Variants in PTCH1 observed in about 807,000 individuals in gnomAD.
PTCH1 encodes the protein patched 1, also known as protein patched homolog 1.
Under a neutral mutation model 144.6 loss-of-function variants are expected in PTCH1, and 14 were observed. The observed-to-expected ratio is 0.10, with a 90% CI of 0.06 to 0.15. The LOEUF is 0.15. PTCH1 is among the 10% of genes least tolerant of loss of function. The pLI, the probability that PTCH1 is intolerant of heterozygous loss-of-function variation, is 1.00. For synonymous variants in PTCH1, 833 were observed against 793.6 expected (o/e 1.05, Z -0.83); for missense variants, 1,623 against 1,948.3 (o/e 0.83, Z 3.14).
At chr9:95,507,922 A>G (rs897621897) in intron 1 of PTCH1, 34 of 1,338,422 alleles carry the variant, frequency 2.5e-5, no homozygotes, top group South Asian at 7.3e-5. Flanking sequence ...ACACACACGC[A>G]CACACACACA....
At chr9:95,470,059 G>A in intron 12 of PTCH1, 128 bp from the exon 13 acceptor site, 1 of 761,128 alleles carries the variant, frequency 1.3e-6, no homozygotes, top group Admixed American at 2.0e-5. Flanking sequence ...TTGAAACCGT[G>A]ACAGATGTTA....
At chr9:95,516,103 A>T (rs1450874052) in intron 1 of PTCH1, among the ~76,000 whole-genome samples, 2 of 150,862 alleles carry the variant, frequency 1.3e-5, no homozygotes, top group Non-Finnish European at 3.0e-5. Flanking sequence ...CAAGGTGGCG[A>T]CCCTTTCAGG....
At chr9:95,489,892 C>T (rs1175484413) in intron 2 of PTCH1, among the ~76,000 whole-genome samples, 1 of 151,476 alleles carries the variant, frequency 6.6e-6, no homozygotes, top group Admixed American at 6.6e-5. Context: ...GCTCTGCCTC[C>T]AGGGTTCACG....
At chr9:95,506,699 TGGGGGCGC>T in intron 1 of PTCH1, 100 bp from the exon 2 acceptor site, 1 of 1,045,762 alleles carries the variant, frequency 9.6e-7, no homozygotes, top group Non-Finnish European at 1.2e-6. Flanking sequence ...CCAACAGCCG[TGGGGGCGC>T]GGGTGGCCGC....
chr9:95,486,288 G>A (rs1185347537), intron 2 of PTCH1, among the ~76,000 whole-genome samples: 3 of 152,220 alleles, frequency 2.0e-5, no homozygotes, highest in Admixed American at 2.0e-4. Flanking sequence ...CTTCTCCTAA[G>A]TAAACTGGCA....
At chr9:95,470,527 T>C (rs964581756) in intron 12 of PTCH1, among the ~76,000 whole-genome samples, 6 of 152,182 alleles carry the variant, frequency 3.9e-5, no homozygotes, top group Admixed American at 2.0e-4. Context: ...TGTGTGATTA[T>C]AGTACGCAGA....
chr9:95,479,230 C>T (rs1333848066), intron 7 of PTCH1, 83 bp from the exon 8 acceptor site: 1 of 1,550,000 alleles, frequency 6.5e-7, no homozygotes, highest in Non-Finnish European at 8.9e-7. Context: ...GCCAGCTCCC[C>T]CAACTCACTG....
chr9:95,459,338 G>A (rs1303287262), intron 17 of PTCH1, among the ~76,000 whole-genome samples: 1 of 152,208 alleles, frequency 6.6e-6, no homozygotes, highest in East Asian at 1.9e-4. Flanking sequence ...CAGCTGGCAC[G>A]TGAGAGCAAC....
Position 95,508,694 on chromosome 9 carries a change from C to T in PTCH1, c.-333G>A. 2.0e-6 allele frequency: 2 copies of T among 987,226 alleles called. No homozygotes were observed. Among genetic ancestry groups the T allele is most frequent in the South Asian group, 9.4e-5 (2 of 21,300 alleles). The allele number at this position is 987,226 out of a possible 1,614,324, so 61.2% of individuals were successfully genotyped here. A position where few individuals can be genotyped will look rare whatever the true frequency, so the allele number is the denominator to read the frequency against. ...AGCGAGAGCCGGCGCGCCGAGCGAG[C>T]CTGTCCTTCGGGCGCTTCCGCGGCA... On this transcript the variant is annotated 5_prime_UTR_variant, in exon 1 of 24. Transcript: ENST00000331920.
intron 1 of PTCH1, chr9:95,507,437 A>G: frequency 1.3e-5 from 13 of 985,344 alleles, no homozygotes; most frequent in Non-Finnish European, 1.6e-5. Context: ...CACACATTTC[A>G]GCGAGCCTCG....
intron 2 of PTCH1, among the ~76,000 whole-genome samples, chr9:95,490,976 T>G (rs1231908784): frequency 1.3e-5 from 2 of 152,248 alleles, no homozygotes; most frequent in East Asian, 3.9e-4. Context: ...AAACATCACA[T>G]GTACACCACA....
rs2118039634 is a variant in PTCH1, at chr9:95,468,923, G to A, written c.2078C>T (p.Thr693Ile). 2 of 1,614,158 alleles carry A rather than the reference G, an allele frequency of 1.2e-6. No individual in the cohort carries two copies. Among genetic ancestry groups the A allele is most frequent in the Non-Finnish European group, 1.7e-6 (2 of 1,180,036 alleles). ...GCTCTGGCAGCTGAGGGTGTCCTGTGTCACGGTGACGGGCTGCACAGAGAT... is the reference window on the plus strand; with the variant it reads ...GCTCTGGCAGCTGAGGGTGTCCTGTATCACGGTGACGGGCTGCACAGAGAT... ...SEISVQPVTV[T>I]QDTLSCQSPE... The change falls in exon 14 of 24, where the codon ACA (threonine) becomes ATA (isoleucine). Residue 693 changes from threonine to isoleucine, a missense_variant. Thr to Ile is a moderately conservative substitution (Grantham distance 89, BLOSUM62 -1). Around this residue, in one of 7 missense-constraint regions of PTCH1, gnomAD observed 179 missense variants for 165.7 expected, o/e 1.08. Transcript: ENST00000331920.
chr9:95,478,928 G>A (rs1036804345), intron 8 of PTCH1, 72 bp downstream of exon 8: 18 of 1,605,534 alleles, frequency 1.1e-5, no homozygotes, highest in Middle Eastern at 1.6e-4. Context: ...GGAAAGAAAT[G>A]TTTTAAATAA....
chr9:95,502,685 CAAT>C (rs1843230728), intron 2 of PTCH1, among the ~76,000 whole-genome samples: 1 of 152,152 alleles, frequency 6.6e-6, no homozygotes, highest in Non-Finnish European at 1.5e-5. Flanking sequence ...CAACAGAATA[CAAT>C]AATTCTTATC....
intron 22 of PTCH1, 48 bp from the exon 23 acceptor site, chr9:95,447,499 A>C (rs2136585566): frequency 6.7e-7 from 1 of 1,496,922 alleles, no homozygotes; most frequent in Non-Finnish European, 8.9e-7. Context: ...CAGGCTGGGC[A>C]TGGTCCCCGC....
In PTCH1 at chr9:95,449,209, C is replaced by T. The variant is rs747181820; in HGVS notation, c.3664G>A (p.Asp1222Asn). Residue 1222 changes from aspartate (D) to asparagine (N), a missense_variant, in exon 22 of 24, where the codon GAC becomes AAC. Physicochemically the swap from Asp to Asn is conservative, Grantham distance 23. Transcript: ENST00000331920. This position sits in a 1 kb window ranked among gnomAD's most constrained non-coding sequence, Gnocchi z 5.3. ...GHTHSGSDSS[D>N]SEYSSQTTVS... ...GTCGTCTGGGAACTATACTCCGAGT[C>T]GGAGGAATCAGACCCGCTGTGCGTG... The T allele has an allele frequency of 1.0e-5, 16 of 1,604,022 alleles. No homozygotes were observed. Among genetic ancestry groups the T allele is most frequent in the East Asian group, 2.2e-5 (1 of 44,558 alleles).
intron 12 of PTCH1, among the ~76,000 whole-genome samples, chr9:95,470,256 A>T (rs1484370990): frequency 6.6e-6 from 1 of 152,252 alleles, no homozygotes. Flanking sequence ...CACACTCGAG[A>T]TAGAATTTAA....
At position 95,504,022 on chromosome 9, in the gene PTCH1, C is replaced by CAA. The variant is rs58747037; in HGVS notation, c.394+2383_394+2384dup. Among the ~76,000 whole-genome samples the CAA allele has an allele frequency of 1.0e-2, 67 of 6,716 alleles. 21 individuals carry two copies. Among genetic ancestry groups the CAA allele is most frequent in the Admixed American group, 0.012 (5 of 422 alleles). The allele number at this position is 6,716 out of a possible 152,430, so 4.4% of individuals were successfully genotyped here. A position where few individuals can be genotyped will look rare whatever the true frequency, so the allele number is the denominator to read the frequency against. On this transcript the variant is annotated intron_variant, in intron 2 of 23. Coordinates refer to ENST00000331920, the MANE Select transcript of PTCH1 (RefSeq NM_000264.5). ...TGGGCGACAGAGCGAGACTCCGTCT[C>CAA]AAAAAAAAAAAAAAAAAAAAAAAAA...
At chr9:95,474,071 T>C (rs1193809524) in intron 12 of PTCH1, 8 of 502,474 alleles carry the variant, frequency 1.6e-5, no homozygotes, top group African/African-American at 3.9e-5. Flanking sequence ...GGAAACCTCA[T>C]GTAGCTTTTC....
Sources: gnomAD v4.1 joint callset for allele counts (sites outside exome capture counted in the v4.1 genomes callset) on GRCh38, gnomAD v4.1.1 for gene constraint, gnomAD v4.1.1 regional missense constraint, Gnocchi (gnomAD v3.1) non-coding constraint, MANE v1.5 for transcripts, NCBI Gene and HGNC (gene_info 2026-07-23, HGNC 2026-07-21) for gene names.